The following MINDY2 variants were observed in gnomAD, a reference collection of about 807,000 sequenced individuals.
MINDY2 encodes ubiquitin carboxyl-terminal hydrolase MINDY-2.
MINDY2 carries 52 observed loss-of-function variants against 68.2 expected under a neutral mutation model. The observed-to-expected ratio is 0.76, with a 90% confidence interval of 0.61 to 0.96. The LOEUF (loss-of-function observed/expected upper bound fraction) is 0.96, where lower values mean the gene tolerates loss of function less well. MINDY2 is among the 40% of genes least tolerant of loss of function. The probability of loss-of-function intolerance (pLI) is 0.00; values close to 1 mark genes in which losing one functional copy is unlikely to be tolerated. For synonymous variants in MINDY2, 372 were observed against 303.0 expected, an observed-to-expected ratio of 1.23 and a Z score of -2.36; for missense variants, 881 against 773.4, an observed-to-expected ratio of 1.14 and a Z score of -1.65.
intron 2 of MINDY2, among the ~76,000 whole-genome samples, chr15:58,801,084 CT>C (rs1353313909): frequency 6.6e-6 from 1 of 152,052 alleles, no homozygotes; most frequent in Non-Finnish European, 1.5e-5. Flanking sequence ...AGCAATTCTC[CT>C]GCCTCAGCCT....
chr15:58,803,436 C>T (rs1203635983), intron 3 of MINDY2, among the ~76,000 whole-genome samples: 2 of 150,834 alleles, frequency 1.3e-5, no homozygotes, highest in Non-Finnish European at 2.9e-5. Context: ...CCACTATGAT[C>T]CAGGCTGGTG....
chr15:58,801,380 TAAAAAAAAAA>T (rs1188514448), intron 2 of MINDY2, among the ~76,000 whole-genome samples: 4 of 22,590 alleles, frequency 1.8e-4, no homozygotes, highest in African/African-American at 2.7e-4. Context: ...CCCCATCTCT[TAAAAAAAAAA>T]AAAAAAAAAA....
chr15:58,796,671 C>T (rs1012852627), intron 2 of MINDY2, among the ~76,000 whole-genome samples: 3 of 152,102 alleles, frequency 2.0e-5, no homozygotes, highest in South Asian at 2.1e-4. Flanking sequence ...TTATAGGCAC[C>T]GCCACCATGC....
intron 1 of MINDY2, among the ~76,000 whole-genome samples, chr15:58,787,140 CTTTTTTTTTTTT>C: frequency 1.3e-5 from 1 of 78,152 alleles, no homozygotes; most frequent in East Asian, 3.8e-4. Flanking sequence ...CATTTCTTTA[CTTTTTTTTTTTT>C]TTTTTTTTTT....
At chr15:58,788,296 A>G (rs1040877074) in intron 2 of MINDY2, among the ~76,000 whole-genome samples, 3 of 152,224 alleles carry the variant, frequency 2.0e-5, no homozygotes, top group African/African-American at 7.2e-5. Context: ...TATTGGGTAG[A>G]CTTGAATTAA....
At chr15:58,795,049 G>A (rs1259181842) in intron 2 of MINDY2, among the ~76,000 whole-genome samples, 1 of 151,932 alleles carries the variant, frequency 6.6e-6, no homozygotes, top group African/African-American at 2.4e-5. Context: ...GGTGGCGGGC[G>A]CCTGTAGTCC....
At chr15:58,783,398 G>C (rs934461500) in intron 1 of MINDY2, among the ~76,000 whole-genome samples, 1 of 152,098 alleles carries the variant, frequency 6.6e-6, no homozygotes, top group Non-Finnish European at 1.5e-5. Flanking sequence ...AGTAATTTTT[G>C]TACTTGTCAT....
At chr15:58,810,416 A>T in intron 4 of MINDY2, 28 bp downstream of exon 4, 1 of 1,509,524 alleles carries the variant, frequency 6.6e-7, no homozygotes. Context: ...AATTATGTAA[A>T]CACAAATACA....
chr15:58,822,917 A>G (rs2031155126), intron 5 of MINDY2, among the ~76,000 whole-genome samples: 1 of 152,176 alleles, frequency 6.6e-6, no homozygotes, highest in Non-Finnish European at 1.5e-5. Flanking sequence ...AAGATATAAT[A>G]AAAGTTTATT....
At chr15:58,831,747 A>C in intron 5 of MINDY2, 27 bp from the exon 6 acceptor site, 1 of 1,581,646 alleles carries the variant, frequency 6.3e-7, no homozygotes, top group East Asian at 2.3e-5. Context: ...TTATTCTTCT[A>C]TCTAATGTTA....
chr15:58,833,625 A>G (rs1466192713), intron 6 of MINDY2, among the ~76,000 whole-genome samples: 1 of 152,168 alleles, frequency 6.6e-6, no homozygotes, highest in East Asian at 1.9e-4. Flanking sequence ...AAGGTAAAGA[A>G]AAAAGTGCTG....
rs1902752473 is a variant in MINDY2 at position 58,802,763 on chromosome 15, T to C, written c.963+386T>C. ...CAATTAAGTTATGTTCAGGAGAAAG[T>C]TGAACAAATGATGTATATGGTATGT... is the stretch of plus-strand genomic sequence containing the variant. On this transcript the variant is annotated intron_variant, in intron 3 of 8. Coordinates refer to ENST00000559228, the MANE Select transcript of MINDY2 (RefSeq NM_001040450.3). Among the ~76,000 whole-genome samples the C allele has an allele frequency of 2.0e-5, 3 of 152,198 alleles. No homozygotes were observed. The South Asian group carries it at 6.2e-4, about 31-fold the overall frequency.
At chr15:58,801,731 C>G (rs796312207) in intron 2 of MINDY2, among the ~76,000 whole-genome samples, 9 of 152,244 alleles carry the variant, frequency 5.9e-5, no homozygotes, top group African/African-American at 1.9e-4. Flanking sequence ...CCTCCACCTC[C>G]CAGGTTCAAG....
At chr15:58,829,575 T>C (rs1349002515) in intron 5 of MINDY2, among the ~76,000 whole-genome samples, 2 of 152,196 alleles carry the variant, frequency 1.3e-5, no homozygotes, top group African/African-American at 4.8e-5. Flanking sequence ...TTCTGTGTCT[T>C]TTTGAAAGGG....
intron 1 of MINDY2, among the ~76,000 whole-genome samples, chr15:58,780,092 T>C (rs1184999679): frequency 6.6e-6 from 1 of 152,156 alleles, no homozygotes; most frequent in African/African-American, 2.4e-5. Flanking sequence ...ATGTAGACTA[T>C]TGTTCTTATT....
chr15:58,854,568 TAAAGAA>T lies in MINDY2; in HGVS notation c.1833_1838del (p.Glu614_Lys615del), dbSNP rs767773826. The T allele has an allele frequency of 1.6e-5, 25 of 1,612,854 alleles. No individual in the cohort carries two copies. Among genetic ancestry groups the T allele is most frequent in the South Asian group, 2.2e-5 (2 of 91,000 alleles). Reference sequence around the variant, plus strand: ...AACGGAAGGAACCACGAGAAAAAGATAAAGAAAAAGAAAAGGAAAAAAATAGCTGTG... The same window carrying T: ...AACGGAAGGAACCACGAGAAAAAGATAAAGAAAAGGAAAAAAATAGCTGTG... On this transcript the variant is annotated inframe_deletion, in exon 9 of 9. Coordinates refer to ENST00000559228, the MANE Select transcript of MINDY2 (RefSeq NM_001040450.3).
chr15:58,791,965 G>C (rs1901971149), intron 2 of MINDY2, among the ~76,000 whole-genome samples: 1 of 152,082 alleles, frequency 6.6e-6, no homozygotes, highest in Non-Finnish European at 1.5e-5. Context: ...AGGAGGCTGT[G>C]ATTTCCTAGA....
intron 3 of MINDY2, among the ~76,000 whole-genome samples, chr15:58,805,890 A>G (rs1405740621): frequency 6.6e-6 from 1 of 152,170 alleles, no homozygotes; most frequent in African/African-American, 2.4e-5. Flanking sequence ...GCTGGCTAAC[A>G]CAGTGAAACC....
chr15:58,853,018 T>TGCA (rs1348993436), intron 8 of MINDY2, among the ~76,000 whole-genome samples: 1 of 37,412 alleles, frequency 2.7e-5, no homozygotes, highest in Admixed American at 2.9e-4. Flanking sequence ...AGTGGCGCAG[T>TGCA]CTCGCTCATT....
Sources: allele counts gnomAD v4.1 joint callset (sites outside exome capture counted in the v4.1 genomes callset), GRCh38; gene constraint gnomAD v4.1.1; transcripts MANE v1.5; gene names NCBI Gene and HGNC (gene_info 2026-07-23, HGNC 2026-07-21).